Variants in CTDSPL2 observed in about 807,000 individuals in gnomAD.
CTDSPL2 encodes CTD small phosphatase-like protein 2.
A neutral mutation model predicts 60.0 loss-of-function variants in CTDSPL2; 5 were observed. The observed-to-expected ratio is 0.08, with a 90% CI of 0.04 to 0.18. The LOEUF is 0.18. CTDSPL2 is among the 10% of genes least tolerant of loss of function. CTDSPL2 has a pLI of 1.00. For synonymous variants in CTDSPL2, 186 were observed against 189.3 expected, an observed-to-expected ratio of 0.98 and a Z score of 0.14; for missense variants, 370 against 548.8, an observed-to-expected ratio of 0.67 and a Z score of 3.26.
chr15:44,490,213 C>A (rs1567089822), intron 4 of CTDSPL2, among the ~76,000 whole-genome samples: 1 of 152,198 alleles, frequency 6.6e-6, no homozygotes, highest in South Asian at 2.1e-4. Context: ...CCGTTCACTG[C>A]AGCCTTGACC....
intron 2 of CTDSPL2, among the ~76,000 whole-genome samples, chr15:44,464,921 G>T (rs2080653173): frequency 6.6e-6 from 1 of 152,066 alleles, no homozygotes; most frequent in Non-Finnish European, 1.5e-5. Context: ...GCCCAGGCTG[G>T]TCTTGAACTC....
rs1247753786 is a variant in CTDSPL2, at chr15:44,453,649, C to T, written c.-24-5342C>T. Among the ~76,000 whole-genome samples the T allele has an allele frequency of 2.8e-5, 4 of 140,990 alleles. No individual in the cohort carries two copies. In the Admixed American group the frequency reaches 3.1e-4, roughly 11 times the overall value. The allele number at this position is 140,990 out of a possible 152,430, so 92.5% of individuals were successfully genotyped here. On this transcript the variant is annotated intron_variant, in intron 1 of 12. Coordinates refer to ENST00000260327, the MANE Select transcript of CTDSPL2 (RefSeq NM_016396.3). The stretch of plus-strand genomic sequence containing the variant: ...GTCCATGTGTTCTCATTGTTCAGTT[C>T]CCACCTATGAGTGAGAACATGCGGT...
chr15:44,517,312 C>A (rs1410019207), intron 10 of CTDSPL2: 4 of 150,078 alleles, frequency 2.7e-5, no homozygotes, highest in Admixed American at 6.6e-5. Flanking sequence ...AGTTCAAGAC[C>A]AGCCTGGCCA....
intron 5 of CTDSPL2, among the ~76,000 whole-genome samples, chr15:44,494,547 G>A (rs1223162759): frequency 6.6e-6 from 1 of 151,920 alleles, no homozygotes; most frequent in Non-Finnish European, 1.5e-5. Flanking sequence ...CGAGTCCACA[G>A]TGTTTGCTCC....
intron 7 of CTDSPL2, among the ~76,000 whole-genome samples, chr15:44,498,123 A>G (rs1046160299): frequency 6.6e-6 from 1 of 152,170 alleles, no homozygotes; most frequent in Non-Finnish European, 1.5e-5. Context: ...TTAATTTTGC[A>G]TTTTTAAAAT....
At chr15:44,486,125 G>T (rs1205241120) in intron 3 of CTDSPL2, among the ~76,000 whole-genome samples, 1 of 152,120 alleles carries the variant, frequency 6.6e-6, no homozygotes, top group Non-Finnish European at 1.5e-5. Flanking sequence ...TCATTTCGCT[G>T]TCATTCATTA....
At chr15:44,496,006 G>A (rs540026190) in intron 5 of CTDSPL2, among the ~76,000 whole-genome samples, 5 of 152,134 alleles carry the variant, frequency 3.3e-5, no homozygotes, top group South Asian at 2.1e-4. Context: ...TATGTACAAG[G>A]CATTTTATGA....
chr15:44,466,629 C>T (rs2080698155), intron 2 of CTDSPL2, among the ~76,000 whole-genome samples: 1 of 152,136 alleles, frequency 6.6e-6, no homozygotes, highest in African/African-American at 2.4e-5. Flanking sequence ...TGCTCCTAGG[C>T]TACAAACCTG....
At chr15:44,502,554 A>G (rs1315110157) in intron 8 of CTDSPL2, among the ~76,000 whole-genome samples, 1 of 152,196 alleles carries the variant, frequency 6.6e-6, no homozygotes, top group African/African-American at 2.4e-5. Flanking sequence ...CTATTGCAGC[A>G]TGAAAGTAGC....
At chr15:44,496,667 C>G (rs1224763334) in intron 6 of CTDSPL2, among the ~76,000 whole-genome samples, 1 of 152,074 alleles carries the variant, frequency 6.6e-6, no homozygotes, top group East Asian at 1.9e-4. Context: ...TCAAGACCAA[C>G]CTGGGCAACG....
chr15:44,439,194 G>A (rs907937459), intron 1 of CTDSPL2, among the ~76,000 whole-genome samples: 3 of 151,480 alleles, frequency 2.0e-5, no homozygotes, highest in African/African-American at 4.9e-5. Context: ...TGTCGCCCAG[G>A]CTGGAGTGCA....
intron 3 of CTDSPL2, among the ~76,000 whole-genome samples, chr15:44,484,925 A>G (rs540488673): frequency 6.6e-6 from 1 of 152,328 alleles, no homozygotes; most frequent in African/African-American, 2.4e-5. Flanking sequence ...CATTTTGAAC[A>G]TCTAAATAAA....
intron 3 of CTDSPL2, among the ~76,000 whole-genome samples, chr15:44,484,952 A>G (rs980993513): frequency 2.6e-5 from 4 of 152,216 alleles, no homozygotes; most frequent in South Asian, 2.1e-4. Flanking sequence ...TCTTAAAGCA[A>G]TAATAATTGT....
chr15:44,487,378 C>T (rs2081139601), intron 4 of CTDSPL2, among the ~76,000 whole-genome samples: 1 of 152,108 alleles, frequency 6.6e-6, no homozygotes, highest in African/African-American at 2.4e-5. Context: ...ATGCTTCAAT[C>T]CAGCAGTTTG....
chr15:44,448,459 G>T (rs1331568831), intron 1 of CTDSPL2: 1 of 247,592 alleles, frequency 4.0e-6, no homozygotes, highest in East Asian at 1.1e-4. Context: ...AGTGTAGTCA[G>T]CGCTTGGGCC....
At chr15:44,484,112 G>T (rs1227677599) in intron 2 of CTDSPL2, 112 bp from the exon 3 acceptor site, 5 of 953,826 alleles carry the variant, frequency 5.2e-6, no homozygotes, top group Admixed American at 3.2e-5. Flanking sequence ...GTTTTTCCTG[G>T]ATATGAAAAG....
intron 2 of CTDSPL2, among the ~76,000 whole-genome samples, chr15:44,469,647 T>C (rs1156301632): frequency 6.6e-6 from 1 of 152,210 alleles, no homozygotes; most frequent in Non-Finnish European, 1.5e-5. Context: ...TTCTATCTTG[T>C]TGAATGTTCT....
intron 1 of CTDSPL2, among the ~76,000 whole-genome samples, chr15:44,436,162 G>A (rs1861531216): frequency 6.6e-6 from 1 of 152,188 alleles, no homozygotes; most frequent in South Asian, 2.1e-4. Context: ...TGGTGTCAAA[G>A]AGGGCAATGA....
At chr15:44,496,284 A>C in intron 5 of CTDSPL2, 96 bp from the exon 6 acceptor site, 1 of 818,350 alleles carries the variant, frequency 1.2e-6, no homozygotes, top group Non-Finnish European at 2.0e-6. Flanking sequence ...TAAAATACAC[A>C]AGGCTTTAGG....
Sources: allele counts gnomAD v4.1 joint callset (sites outside exome capture counted in the v4.1 genomes callset), GRCh38; gene constraint gnomAD v4.1.1; transcripts MANE v1.5; gene names NCBI Gene and HGNC (gene_info 2026-07-23, HGNC 2026-07-21).